The following HSD17B2 variants were observed in gnomAD, a reference collection of about 807,000 sequenced individuals.
HSD17B2 encodes hydroxysteroid 17-beta dehydrogenase 2.
In HSD17B2, 32 loss-of-function variants were observed where a neutral mutation model predicts 26.9. That is an observed-to-expected ratio of 1.19 (90% CI 0.90 to 1.60). The LOEUF (loss-of-function observed/expected upper bound fraction) is 1.60. Among genes scored for constraint, HSD17B2 ranks in the 40% most tolerant of loss-of-function variants. The pLI is 0.00. For missense variants in HSD17B2, 613 were observed against 468.6 expected (o/e 1.31, Z -2.85); for synonymous variants, 246 against 186.7 (o/e 1.32, Z -2.59).
intron 4 of HSD17B2, chr16:82,097,796 G>A (rs963234560): frequency 1.0e-4 from 22 of 218,994 alleles, no homozygotes; most frequent in Non-Finnish European, 1.8e-4. Context: ...AAAATTAGCC[G>A]GGCATGTTGG....
At chr16:82,038,961 C>T (rs970347979) in intron 1 of HSD17B2, among the ~76,000 whole-genome samples, 1 of 152,038 alleles carries the variant, frequency 6.6e-6, no homozygotes, top group African/African-American at 2.4e-5. Flanking sequence ...ACCCCTGTTC[C>T]CCCTTGGTTG....
chr16:82,094,408 T>G (rs72563161), intron 4 of HSD17B2: 199 of 152,356 alleles, frequency 1.3e-3, no homozygotes, highest in African/African-American at 4.7e-3. Flanking sequence ...GCAGGTTTCA[T>G]TGACATTATT....
At chr16:82,082,835 A>C (rs1406332387) in intron 3 of HSD17B2, among the ~76,000 whole-genome samples, 1 of 152,192 alleles carries the variant, frequency 6.6e-6, no homozygotes, top group East Asian at 1.9e-4. Flanking sequence ...TGACCCCAAT[A>C]ACCTATGTAA....
At chr16:82,048,682 A>T (rs1914010754) in intron 1 of HSD17B2, among the ~76,000 whole-genome samples, 1 of 152,216 alleles carries the variant, frequency 6.6e-6, no homozygotes, top group Non-Finnish European at 1.5e-5. Context: ...GAAAAAGTGG[A>T]CACTATAGAC....
At chr16:82,047,125 C>G (rs529904006) in intron 1 of HSD17B2, among the ~76,000 whole-genome samples, 41 of 152,316 alleles carry the variant, frequency 2.7e-4, no homozygotes, top group Admixed American at 9.1e-4. Flanking sequence ...GACTGAACAG[C>G]CAGGAACTTC....
chr16:82,095,178 G>C (rs1904804115), intron 4 of HSD17B2: 1 of 152,250 alleles, frequency 6.6e-6, no homozygotes, highest in Non-Finnish European at 1.5e-5. Context: ...AGCCCACGAA[G>C]ACAGGGACAG....
At chr16:82,059,620 G>T (rs144104020) in intron 1 of HSD17B2, among the ~76,000 whole-genome samples, 1 of 152,250 alleles carries the variant, frequency 6.6e-6, no homozygotes, top group East Asian at 1.9e-4. Flanking sequence ...CTGTGGGTGG[G>T]TGTTTTTAGG....
intron 3 of HSD17B2, among the ~76,000 whole-genome samples, chr16:82,080,546 C>G (rs926378807): frequency 6.6e-6 from 1 of 152,166 alleles, no homozygotes; most frequent in Non-Finnish European, 1.5e-5. Flanking sequence ...GAGCATGACC[C>G]TGCTGACTCC....
rs1904924352 is a variant in HSD17B2, at chr16:82,098,489, A to T, written c.*53A>T. The T allele has an allele frequency of 6.6e-7, 1 of 1,510,326 alleles. No individual in the cohort carries two copies. Among genetic ancestry groups the T allele is most frequent in the Non-Finnish European group, 8.8e-7 (1 of 1,132,578 alleles). The allele number at this position is 1,510,326 out of a possible 1,614,324, so 93.6% of individuals were successfully genotyped here. On this transcript the variant is annotated 3_prime_UTR_variant, in exon 5 of 5. Coordinates refer to ENST00000199936, the MANE Select transcript of HSD17B2 (RefSeq NM_002153.3). ...ATGTCATAGTCTTGAAATGAAAGGGAAACTGGGAAACTGGGTTTCTCATTA... is the reference window on the plus strand; with the variant it reads ...ATGTCATAGTCTTGAAATGAAAGGGTAACTGGGAAACTGGGTTTCTCATTA...
Position 82,088,914 on chromosome 16 carries a change from C to T in HSD17B2, c.665-1988C>T, listed in dbSNP as rs148550227. Among the ~76,000 whole-genome samples the T allele has an allele frequency of 1.4e-3, 219 of 152,284 alleles. 1 individual carries two copies. The highest frequency in any genetic ancestry group is 5.2e-3 in the African/African-American group (215 of 41,552). ...AGGAATTTACTAGCTCTTCAATTGTCTGAGAGACAATAAATTACTAGCTCA... is the reference window on the plus strand; with the variant it reads ...AGGAATTTACTAGCTCTTCAATTGTTTGAGAGACAATAAATTACTAGCTCA... On this transcript the variant is annotated intron_variant, in intron 3 of 4. Transcript: ENST00000199936.
rs573222277 is a variant in HSD17B2 at position 82,097,950 on chromosome 16, A to T, written c.803-125A>T. 81 of 917,426 alleles carry T rather than the reference A, an allele frequency of 8.8e-5. 1 individual carries two copies. In the Admixed American group the frequency reaches 2.1e-3, roughly 23 times the overall value. The allele number at this position is 917,426 out of a possible 1,614,324, so 56.8% of individuals were successfully genotyped here. The stretch of plus-strand genomic sequence containing the variant: ...AAGACTCTGTATCCCAAAAATAAAA[A>T]AATAAAAAAATAAATAAATAAACGT... On this transcript the variant is annotated intron_variant, in intron 4 of 4. Transcript: ENST00000199936.
At chr16:82,067,378 G>C (rs1009492902) in intron 1 of HSD17B2, among the ~76,000 whole-genome samples, 2 of 152,132 alleles carry the variant, frequency 1.3e-5, no homozygotes, top group African/African-American at 4.8e-5. Flanking sequence ...CTTCAACTTA[G>C]GAATTTCAGA....
rs143103433 is a variant in HSD17B2 at position 82,076,454 on chromosome 16, G to C, written c.664+5327G>C. Among the ~76,000 whole-genome samples the C allele has an allele frequency of 4.0e-3, 612 of 152,292 alleles. 2 individuals carry two copies. Among genetic ancestry groups the C allele is most frequent in the African/African-American group, 0.014 (587 of 41,560 alleles). On this transcript the variant is annotated intron_variant, in intron 3 of 4. Transcript: ENST00000199936. ...GAAAGGAAGAAGTTGAATTATCCTT[G>C]TTTGCAGATGATATGATCTTATATT...
At chr16:82,058,300 G>A (rs1346907901) in intron 1 of HSD17B2, among the ~76,000 whole-genome samples, 1 of 151,904 alleles carries the variant, frequency 6.6e-6, no homozygotes, top group Non-Finnish European at 1.5e-5. Flanking sequence ...CAAACTCCTG[G>A]GCTCAAGCGA....
intron 3 of HSD17B2, among the ~76,000 whole-genome samples, chr16:82,079,092 G>A (rs529055243): frequency 6.6e-6 from 1 of 152,244 alleles, no homozygotes; most frequent in Admixed American, 6.5e-5. Flanking sequence ...TTGCCCTGAT[G>A]TGATTATTAT....
At position 82,042,002 on chromosome 16, in the gene HSD17B2, T is replaced by A. The variant is rs569174464; in HGVS notation, c.265+6313T>A. The stretch of plus-strand genomic sequence containing the variant: ...TTTTCCCTTTCTTTTCTTTTCTTTT[T>A]TTTTTTTTTAATTTTTTATGCACAG... On this transcript the variant is annotated intron_variant, in intron 1 of 4. Coordinates refer to ENST00000199936, the MANE Select transcript of HSD17B2 (RefSeq NM_002153.3). Among the ~76,000 whole-genome samples the A allele has an allele frequency of 3.3e-5, 5 of 151,972 alleles. No homozygotes were observed. The South Asian group carries it at 6.2e-4, about 19-fold the overall frequency.
chr16:82,052,110 G>A (rs1914126439), intron 1 of HSD17B2, among the ~76,000 whole-genome samples: 1 of 152,172 alleles, frequency 6.6e-6, no homozygotes, highest in Non-Finnish European at 1.5e-5. Context: ...TCGTATCCGA[G>A]ATTTGAGGTC....
At chr16:82,065,976 T>C (rs914562596) in intron 1 of HSD17B2, among the ~76,000 whole-genome samples, 1 of 152,214 alleles carries the variant, frequency 6.6e-6, no homozygotes, top group East Asian at 1.9e-4. Flanking sequence ...ACAGCACTGG[T>C]CTGCAGTCTG....
intron 1 of HSD17B2, among the ~76,000 whole-genome samples, chr16:82,064,508 T>C (rs955152070): frequency 6.6e-6 from 1 of 152,222 alleles, no homozygotes; most frequent in Non-Finnish European, 1.5e-5. Flanking sequence ...TTTTCATTTA[T>C]CTTGGGTACA....
Sources: gnomAD v4.1 joint callset for allele counts (sites outside exome capture counted in the v4.1 genomes callset) on GRCh38, gnomAD v4.1.1 for gene constraint, MANE v1.5 for transcripts, NCBI Gene and HGNC (gene_info 2026-07-23, HGNC 2026-07-21) for gene names.